Variants in TFEB observed in about 807,000 individuals in gnomAD.
TFEB encodes transcription factor EB.
TFEB carries 12 observed loss-of-function variants against 48.0 expected under a neutral mutation model. The ratio of observed to expected loss-of-function variants is 0.25; its 90% CI spans 0.16 to 0.40. The LOEUF is 0.40. Ranked by LOEUF, TFEB falls within the 10% of genes least tolerant of loss-of-function variation. TFEB has a pLI of 1.00. For synonymous variants in TFEB, 244 were observed against 261.4 expected (o/e 0.93, Z 0.64); for missense variants, 509 against 640.3 (o/e 0.79, Z 2.21).
chr6:41,707,136 G>A, intron 1 of TFEB, among the ~76,000 whole-genome samples: 1 of 152,062 alleles, frequency 6.6e-6, no homozygotes, highest in East Asian at 1.9e-4. Context: ...CTTCTCCCTG[G>A]ACCCAAGATG....
At chr6:41,699,996 G>A (rs1036166889) in intron 1 of TFEB, among the ~76,000 whole-genome samples, 1 of 152,258 alleles carries the variant, frequency 6.6e-6, no homozygotes, top group East Asian at 1.9e-4. Context: ...ACCCTGGCAG[G>A]TTCCCTCCGG....
chr6:41,693,618 C>T (rs1056625183), intron 1 of TFEB, among the ~76,000 whole-genome samples: 11 of 152,266 alleles, frequency 7.2e-5, no homozygotes, highest in African/African-American at 2.6e-4. Context: ...ACCACTGTGC[C>T]TTCCCGACAA....
At chr6:41,707,058 G>C (rs1770261800) in intron 1 of TFEB, among the ~76,000 whole-genome samples, 1 of 152,166 alleles carries the variant, frequency 6.6e-6, no homozygotes, top group African/African-American at 2.4e-5. Context: ...TGCCTGCCCA[G>C]CCCCAAGGCT....
At chr6:41,721,977 A>ATATTAT (rs370887501) in intron 1 of TFEB, among the ~76,000 whole-genome samples, 20 of 151,812 alleles carry the variant, frequency 1.3e-4, no homozygotes, top group African/African-American at 2.4e-4. Flanking sequence ...ACCATTCCTT[A>ATATTAT]TATTATTATT....
At position 41,735,353 on chromosome 6, in the gene TFEB, G is replaced by T. The variant is rs1224613792; in HGVS notation, c.-26C>A. 3 of 985,010 alleles carry T rather than the reference G, an allele frequency of 3.0e-6. No homozygotes were observed. The highest frequency in any genetic ancestry group is 3.6e-6 in the Non-Finnish European group (3 of 829,960). 61.0% of individuals were successfully genotyped at this position (985,010 alleles called of 1,614,324 possible). ...CTCGCTCCCCGGTCCCGCTCACCTC[G>T]CTCTGAAGGTCAATCTGTCCGCCGC... is the stretch of plus-strand genomic sequence containing the variant. On this transcript the variant is annotated 5_prime_UTR_variant, in exon 1 of 9. Coordinates refer to ENST00000373033, the MANE Select transcript of TFEB (RefSeq NM_001271944.2).
Position 41,690,546 on chromosome 6 carries a change from C to T in TFEB, c.468+117G>A, listed in dbSNP as rs1769246932. ...CCTGAGAAGGGCTCTGTCCCCACCT[C>T]AGACTGAGTCTCCCTGAAGGCACCC... On this transcript the variant is annotated intron_variant, in intron 3 of 8. Transcript: ENST00000373033. The T allele has an allele frequency of 4.7e-6, 6 of 1,270,148 alleles. No homozygotes were observed. In the South Asian group the frequency reaches 1.2e-4, roughly 26 times the overall value. The allele number at this position is 1,270,148 out of a possible 1,614,324, so 78.7% of individuals were successfully genotyped here. A position where few individuals can be genotyped will look rare whatever the true frequency, so the allele number is the denominator to read the frequency against.
At chr6:41,714,839 A>G (rs895520730) in intron 1 of TFEB, among the ~76,000 whole-genome samples, 2 of 152,190 alleles carry the variant, frequency 1.3e-5, no homozygotes, top group African/African-American at 4.8e-5. Flanking sequence ...ACAGCACTCC[A>G]GACCCTGATA....
intron 1 of TFEB, among the ~76,000 whole-genome samples, chr6:41,713,857 C>T (rs950359348): frequency 1.3e-5 from 2 of 152,220 alleles, no homozygotes; most frequent in South Asian, 4.1e-4. Flanking sequence ...GCCACCCACA[C>T]TCCCTGAAGG....
At chr6:41,697,088 A>G (rs2127453451) in intron 1 of TFEB, among the ~76,000 whole-genome samples, 1 of 152,292 alleles carries the variant, frequency 6.6e-6, no homozygotes, top group South Asian at 2.1e-4. Flanking sequence ...TGTGTGTTGT[A>G]TTCTCATTTT....
At position 41,723,648 on chromosome 6, in the gene TFEB, A is replaced by G; in HGVS notation, c.-23+11702T>C. 1 of 835,616 alleles carries G rather than the reference A, an allele frequency of 1.2e-6. No homozygotes were observed. The highest frequency in any genetic ancestry group is 1.6e-6 in the Non-Finnish European group (1 of 611,510). 51.8% of individuals were successfully genotyped at this position (835,616 alleles called of 1,614,324 possible). A position where few individuals can be genotyped will look rare whatever the true frequency, so the allele number is the denominator to read the frequency against. On this transcript the variant is annotated intron_variant, in intron 1 of 8. Coordinates refer to ENST00000373033, the MANE Select transcript of TFEB (RefSeq NM_001271944.2). The surrounding 1 kb of genome is among the most constrained non-coding windows in gnomAD (Gnocchi z 6.0). ...AGTTGCACAATCCCCTGGGAGCTGC[A>G]AATGCGGCCGAGGATTACTCACAGC...
chr6:41,688,395 G>C (rs140203671), intron 4 of TFEB, among the ~76,000 whole-genome samples: 4 of 152,000 alleles, frequency 2.6e-5, no homozygotes, highest in Non-Finnish European at 5.9e-5. Flanking sequence ...AGAGATGTGA[G>C]GCAAGGCACT....
chr6:41,689,913 C>T lies in TFEB; in HGVS notation c.469-102G>A. The T allele has an allele frequency of 7.6e-6, 6 of 794,646 alleles. No individual in the cohort carries two copies. In the South Asian group the frequency reaches 9.1e-5, roughly 12 times the overall value. The allele number at this position is 794,646 out of a possible 1,614,324, so 49.2% of individuals were successfully genotyped here. A position where few individuals can be genotyped will look rare whatever the true frequency, so the allele number is the denominator to read the frequency against. On this transcript the variant is annotated intron_variant, in intron 3 of 8. Coordinates refer to ENST00000373033, the MANE Select transcript of TFEB (RefSeq NM_001271944.2). Reference sequence around the variant, plus strand: ...GACCTGGAGGGACCTTGGAGCCCACCTCACCCAACCTACTTATCTGGGGAA... The same window carrying T: ...GACCTGGAGGGACCTTGGAGCCCACTTCACCCAACCTACTTATCTGGGGAA...
chr6:41,727,931 G>A (rs1771279194), intron 1 of TFEB, among the ~76,000 whole-genome samples: 1 of 152,180 alleles, frequency 6.6e-6, no homozygotes, highest in Non-Finnish European at 1.5e-5. Flanking sequence ...GACTTGTCCA[G>A]AACGTAGCCT....
At chr6:41,727,962 A>C (rs1376511400) in intron 1 of TFEB, among the ~76,000 whole-genome samples, 1 of 152,160 alleles carries the variant, frequency 6.6e-6, no homozygotes, top group East Asian at 1.9e-4. Flanking sequence ...CCCCCAGGTG[A>C]GAAGGCCCAG....
chr6:41,726,864 T>C (rs1421957085), intron 1 of TFEB, among the ~76,000 whole-genome samples: 4 of 152,232 alleles, frequency 2.6e-5, no homozygotes, highest in Admixed American at 2.6e-4. Flanking sequence ...AGATACAGTA[T>C]TTTCTTCCCA....
chr6:41,715,697 A>C (rs933730046), intron 1 of TFEB, among the ~76,000 whole-genome samples: 2 of 151,412 alleles, frequency 1.3e-5, no homozygotes, highest in African/African-American at 4.9e-5. Context: ...AAAAAGTCTC[A>C]CGGATTCAGG....
In TFEB at chr6:41,735,455, G is replaced by C; in HGVS notation, c.-128C>G. 1 of 984,730 alleles carries C rather than the reference G, an allele frequency of 1.0e-6. No individual in the cohort carries two copies. The highest frequency in any genetic ancestry group is 1.2e-6 in the Non-Finnish European group (1 of 829,778). 61.0% of individuals were successfully genotyped at this position (984,730 alleles called of 1,614,324 possible). ...AAGCTGTGCCCGCCACCTGCTCCCG[G>C]CCTGCTCCGGCCCCGTGCCACCAGG... On this transcript the variant is annotated 5_prime_UTR_variant, in exon 1 of 9. Coordinates refer to ENST00000373033, the MANE Select transcript of TFEB (RefSeq NM_001271944.2).
chr6:41,699,900 A>C (rs1769805545), intron 1 of TFEB, among the ~76,000 whole-genome samples: 1 of 152,176 alleles, frequency 6.6e-6, no homozygotes, highest in Non-Finnish European at 1.5e-5. Flanking sequence ...AAATGCATAG[A>C]TTTGTAGTGT....
At chr6:41,697,111 G>C (rs985176485) in intron 1 of TFEB, among the ~76,000 whole-genome samples, 3 of 152,192 alleles carry the variant, frequency 2.0e-5, no homozygotes, top group Non-Finnish European at 4.4e-5. Flanking sequence ...AATCACATAA[G>C]AATGAGGGCA....
Sources: gnomAD v4.1 joint callset for allele counts (sites outside exome capture counted in the v4.1 genomes callset) on GRCh38, gnomAD v4.1.1 for gene constraint, Gnocchi (gnomAD v3.1) non-coding constraint, MANE v1.5 for transcripts, NCBI Gene and HGNC (gene_info 2026-07-23, HGNC 2026-07-21) for gene names.